The following HAAO variants were observed in gnomAD, a reference collection of about 807,000 sequenced individuals.
HAAO encodes 3-hydroxyanthranilate oxygenase.
In HAAO, 49 loss-of-function variants were observed where a neutral mutation model predicts 46.2. The ratio of observed to expected loss-of-function variants is 1.06; its 90% CI spans 0.84 to 1.34. The LOEUF is 1.34. HAAO is among the 40% of genes most tolerant of loss of function. The pLI is 0.00. For synonymous variants in HAAO, 157 were observed against 145.2 expected (o/e 1.08, Z -0.58); for missense variants, 408 against 364.5 (o/e 1.12, Z -0.97).
intron 3 of HAAO, among the ~76,000 whole-genome samples, 164 bp downstream of exon 3, chr2:42,783,620 T>G (rs1235436003): frequency 2.6e-5 from 4 of 152,042 alleles, no homozygotes; most frequent in African/African-American, 7.2e-5. Context: ...TGGGGCAGCC[T>G]GGAAGAGGAA....
intron 1 of HAAO, chr2:42,789,041 C>T: frequency 5.2e-6 from 1 of 194,042 alleles, no homozygotes; most frequent in Non-Finnish European, 1.1e-5. Context: ...CTGCACTCTC[C>T]CCTGGCTGGA....
At chr2:42,790,559 G>T (rs1672718928) in intron 1 of HAAO, among the ~76,000 whole-genome samples, 1 of 149,044 alleles carries the variant, frequency 6.7e-6, no homozygotes, top group Non-Finnish European at 1.5e-5. Context: ...TTCAGATAGA[G>T]TCTTGCTTGC....
intron 1 of HAAO, among the ~76,000 whole-genome samples, chr2:42,791,943 C>T (rs566044693): frequency 2.0e-4 from 27 of 133,860 alleles, no homozygotes; most frequent in Non-Finnish European, 1.0e-4. Context: ...TGTGTGTGTT[C>T]GTGCACACCT....
intron 2 of HAAO, among the ~76,000 whole-genome samples, chr2:42,787,037 C>G (rs1405182204): frequency 6.6e-6 from 1 of 152,142 alleles, no homozygotes; most frequent in Non-Finnish European, 1.5e-5. Context: ...ACCCCGCCAC[C>G]AAAACCTCAG....
chr2:42,767,392 G>C lies in HAAO; in HGVS notation c.*45C>G, dbSNP rs780395028. 7.3e-7 allele frequency: 1 copy of C among 1,376,538 alleles called. No homozygotes were observed. Among genetic ancestry groups the C allele is most frequent in the Non-Finnish European group, 1.0e-6 (1 of 969,818 alleles). 85.3% of individuals were successfully genotyped at this position (1,376,538 alleles called of 1,614,324 possible). A position where few individuals can be genotyped will look rare whatever the true frequency, so the allele number is the denominator to read the frequency against. ...GTTGTTTGGCAGGGATGGCACTCGAGGGTGCTTGGCACACCTGTGGCTGCT... is the reference window on the plus strand; with the variant it reads ...GTTGTTTGGCAGGGATGGCACTCGACGGTGCTTGGCACACCTGTGGCTGCT... On this transcript the variant is annotated 3_prime_UTR_variant, in exon 10 of 10. Transcript: ENST00000294973.
chr2:42,780,244 T>A (rs1671887091), intron 4 of HAAO, among the ~76,000 whole-genome samples: 1 of 150,608 alleles, frequency 6.6e-6, no homozygotes, highest in Admixed American at 6.7e-5. Flanking sequence ...AGTCTCGCTC[T>A]GTTGCCAGGC....
intron 4 of HAAO, among the ~76,000 whole-genome samples, chr2:42,780,040 A>T (rs988630589): frequency 2.0e-5 from 3 of 152,118 alleles, no homozygotes; most frequent in Non-Finnish European, 4.4e-5. Context: ...AATAATCATA[A>T]TTATATTAAA....
At chr2:42,770,625 G>A (rs1015967281) in intron 4 of HAAO, 43 bp from the exon 5 acceptor site, 1 of 1,371,588 alleles carries the variant, frequency 7.3e-7, no homozygotes, top group Non-Finnish European at 1.0e-6. Context: ...CCCCATCTGG[G>A]TGGCTTCAGG....
intron 4 of HAAO, among the ~76,000 whole-genome samples, chr2:42,779,503 G>A (rs1235034752): frequency 6.6e-6 from 1 of 152,062 alleles, no homozygotes; most frequent in Non-Finnish European, 1.5e-5. Flanking sequence ...TGTATTTTTG[G>A]TAGAGGCGGG....
intron 4 of HAAO, 41 bp from the exon 5 acceptor site, chr2:42,770,623 G>T: frequency 1.4e-6 from 2 of 1,413,432 alleles, no homozygotes; most frequent in Non-Finnish European, 9.7e-7. Flanking sequence ...GTCCCCATCT[G>T]GGTGGCTTCA....
intron 4 of HAAO, among the ~76,000 whole-genome samples, chr2:42,781,648 G>A (rs776333350): frequency 5.3e-5 from 8 of 152,184 alleles, no homozygotes; most frequent in Non-Finnish European, 1.0e-4. Flanking sequence ...CGAGGCAGAT[G>A]GGTCACCTGA....
chr2:42,770,150 GGGCTT>G lies in HAAO; in HGVS notation c.472_476del (p.Lys158HisfsTer3). 6.2e-7 allele frequency: 1 copy of G among 1,603,682 alleles called. No homozygotes were observed. The highest frequency in any genetic ancestry group is 8.5e-7 in the Non-Finnish European group (1 of 1,174,160). ...AGTTCCCAGCGGCCTCACCAGGGAT[GGGCTT>G]TCCTGTTCTGTACTGCTCAGAGCTG... On this transcript the variant is annotated frameshift_variant, in exon 6 of 10. Transcript: ENST00000294973. LOFTEE classifies it high-confidence loss of function.
chr2:42,789,954 C>T (rs968886615), intron 1 of HAAO, among the ~76,000 whole-genome samples: 2 of 152,230 alleles, frequency 1.3e-5, no homozygotes, highest in Admixed American at 6.5e-5. Flanking sequence ...AGGGCAGGGG[C>T]AAGGGCTTTC....
intron 4 of HAAO, among the ~76,000 whole-genome samples, chr2:42,776,026 CT>C (rs1287819279): frequency 1.3e-5 from 2 of 151,638 alleles, no homozygotes; most frequent in Non-Finnish European, 2.9e-5. Context: ...TTAAAAAAAA[CT>C]TTTTTTAAAG....
intron 4 of HAAO, among the ~76,000 whole-genome samples, chr2:42,773,901 A>G (rs1671343915): frequency 6.6e-6 from 1 of 152,000 alleles, no homozygotes. Flanking sequence ...CCTGCCCCCC[A>G]TTGTATTCAA....
At chr2:42,769,969 T>A in intron 6 of HAAO, 111 bp from the exon 7 acceptor site, 2 of 1,257,462 alleles carry the variant, frequency 1.6e-6, no homozygotes, top group Non-Finnish European at 2.2e-6. Flanking sequence ...AGGCTCTGTA[T>A]CCAGCTCAAT....
intron 4 of HAAO, among the ~76,000 whole-genome samples, chr2:42,779,089 C>T (rs11124891): frequency 2.1e-4 from 32 of 151,486 alleles, no homozygotes; most frequent in African/African-American, 5.6e-4. Context: ...CTCCAGCCTG[C>T]GCAACAAGAG....
At chr2:42,788,308 C>T (rs1672541121) in intron 2 of HAAO, among the ~76,000 whole-genome samples, 2 of 151,698 alleles carry the variant, frequency 1.3e-5, no homozygotes, top group Admixed American at 6.6e-5. Flanking sequence ...CCTGGGGCTC[C>T]CCCAGCAGAG....
chr2:42,789,567 TTAAATAAA>T (rs5830738), intron 1 of HAAO, among the ~76,000 whole-genome samples: 4 of 150,290 alleles, frequency 2.7e-5, no homozygotes, highest in Non-Finnish European at 4.4e-5. Context: ...AGACTCTGTC[TTAAATAAA>T]TAAATAAATA....
Sources: gnomAD v4.1 joint callset for allele counts (sites outside exome capture counted in the v4.1 genomes callset) on GRCh38, gnomAD v4.1.1 for gene constraint, MANE v1.5 for transcripts, NCBI Gene and HGNC (gene_info 2026-07-23, HGNC 2026-07-21) for gene names.